SLC44A1: variants seen among roughly 807,000 people sequenced by gnomAD.
SLC44A1 encodes solute carrier family 44 member 1.
SLC44A1 carries 26 observed loss-of-function variants against 79.3 expected under a neutral mutation model. The ratio of observed to expected loss-of-function variants is 0.33; its 90% CI spans 0.24 to 0.46. The LOEUF is 0.46. Among genes scored for constraint, SLC44A1 ranks in the 20% least tolerant of loss-of-function variants. The probability of loss-of-function intolerance (pLI) is 1.00; values close to 1 mark genes in which losing one functional copy is unlikely to be tolerated. For synonymous variants in SLC44A1, 263 were observed against 286.2 expected (o/e 0.92, Z 0.82); for missense variants, 688 against 798.1 (o/e 0.86, Z 1.66).
At chr9:105,300,241 A>G (rs972900701) in intron 2 of SLC44A1, among the ~76,000 whole-genome samples, 2 of 152,178 alleles carry the variant, frequency 1.3e-5, no homozygotes, top group African/African-American at 4.8e-5. Context: ...CTTCCAGATC[A>G]ATGCTGTTTT....
chr9:105,341,137 C>T (rs1367475410), intron 4 of SLC44A1, among the ~76,000 whole-genome samples: 1 of 152,032 alleles, frequency 6.6e-6, no homozygotes, highest in African/African-American at 2.4e-5. Context: ...GAGTTCAAGA[C>T]CAGCCTGGCC....
intron 1 of SLC44A1, among the ~76,000 whole-genome samples, chr9:105,270,826 C>T (rs547485690): frequency 6.6e-6 from 1 of 152,272 alleles, no homozygotes; most frequent in South Asian, 2.1e-4. Context: ...AGTGCCTGGT[C>T]AATGTTTGTT....
intron 1 of SLC44A1, among the ~76,000 whole-genome samples, chr9:105,258,866 GTTTTTGTTTTT>G (rs1320936001): frequency 2.7e-5 from 4 of 149,948 alleles, no homozygotes; most frequent in Non-Finnish European, 5.9e-5. Flanking sequence ...TTTTGTTTTT[GTTTTTGTTTTT>G]TTTTTTTGGT....
At chr9:105,248,295 A>C (rs1173715936) in intron 1 of SLC44A1, among the ~76,000 whole-genome samples, 1 of 152,212 alleles carries the variant, frequency 6.6e-6, no homozygotes, top group African/African-American at 2.4e-5. Flanking sequence ...CTCATAAAAG[A>C]GTTTGTGGTC....
chr9:105,432,841 C>A (rs1366544526), intron 15 of SLC44A1, among the ~76,000 whole-genome samples: 1 of 152,060 alleles, frequency 6.6e-6, no homozygotes, highest in African/African-American at 2.4e-5. Context: ...GAGGCTGAGG[C>A]AGGAGAGTTG....
intron 15 of SLC44A1, among the ~76,000 whole-genome samples, chr9:105,421,749 G>A (rs749160733): frequency 9.9e-5 from 15 of 152,026 alleles, no homozygotes; most frequent in Admixed American, 3.3e-4. Context: ...CACGGCGCCC[G>A]GCTAATTTTT....
At chr9:105,347,666 A>T (rs71494521) in intron 4 of SLC44A1, among the ~76,000 whole-genome samples, 3,162 of 151,398 alleles carry the variant, frequency 0.021, 41 homozygotes, top group Middle Eastern at 0.061. Context: ...AGAAAAATTA[A>T]TTTTTTTTTG....
In SLC44A1 at chr9:105,394,672, T is replaced by C; in HGVS notation, c.*5616T>C. 3.0e-6 allele frequency: 3 copies of C among 985,362 alleles called. No homozygotes were observed. Among genetic ancestry groups the C allele is most frequent in the Non-Finnish European group, 3.6e-6 (3 of 829,862 alleles). 61.0% of individuals were successfully genotyped at this position (985,362 alleles called of 1,614,324 possible). Reference sequence around the variant, plus strand: ...CTGTCTTAAAATATATTTGTCAACATGTCCAGTTCCAACAACAGTTGAAGA... The same window carrying C: ...CTGTCTTAAAATATATTTGTCAACACGTCCAGTTCCAACAACAGTTGAAGA... On this transcript the variant is annotated 3_prime_UTR_variant, in exon 16 of 16. Coordinates refer to ENST00000374720, the MANE Select transcript of SLC44A1 (RefSeq NM_080546.5).
chr9:105,437,261 A>G (rs1829475367), intron 15 of SLC44A1, among the ~76,000 whole-genome samples: 2 of 152,214 alleles, frequency 1.3e-5, no homozygotes, highest in Admixed American at 1.3e-4. Context: ...CTCTATATCT[A>G]TCTAGATCTC....
At chr9:105,303,906 A>C (rs2131297019) in intron 2 of SLC44A1, among the ~76,000 whole-genome samples, 1 of 152,316 alleles carries the variant, frequency 6.6e-6, no homozygotes, top group African/African-American at 2.4e-5. Flanking sequence ...GAGCAGAAGC[A>C]TGGAGAAAGG....
At position 105,356,397 on chromosome 9, in the gene SLC44A1, A is replaced by G. The variant is rs1228769250; in HGVS notation, c.670+16A>G. On this transcript the variant is annotated intron_variant, in intron 6 of 15. Transcript: ENST00000374720. Reference sequence around the variant, plus strand: ...TTATCACTAGGTAATTGTTTTTCTCATTATTAGCTATTGCATAGTATTGCA... The same window carrying G: ...TTATCACTAGGTAATTGTTTTTCTCGTTATTAGCTATTGCATAGTATTGCA... 6 of 1,532,638 alleles carry G rather than the reference A, an allele frequency of 3.9e-6. No individual in the cohort carries two copies. The highest frequency in any genetic ancestry group is 5.4e-6 in the Non-Finnish European group (6 of 1,120,874). 94.9% of individuals were successfully genotyped at this position (1,532,638 alleles called of 1,614,324 possible). A position where few individuals can be genotyped will look rare whatever the true frequency, so the allele number is the denominator to read the frequency against.
chr9:105,353,966 C>G lies in SLC44A1; in HGVS notation c.501-2246C>G, dbSNP rs565611245. Among the ~76,000 whole-genome samples, 339 of 146,584 alleles carry G rather than the reference C, an allele frequency of 2.3e-3. 7 individuals carry two copies. The highest frequency in any genetic ancestry group is 6.3e-4 in the Non-Finnish European group (42 of 66,498). On this transcript the variant is annotated intron_variant, in intron 5 of 15. Transcript: ENST00000374720. ...GACAACCTCAGAAAAGAGGCTTCAT[C>G]ATGACAAAGTTGTCAGTTTAAAGGT...
At chr9:105,315,903 CT>C (rs1831311467) in intron 3 of SLC44A1, among the ~76,000 whole-genome samples, 1 of 152,100 alleles carries the variant, frequency 6.6e-6, no homozygotes, top group Non-Finnish European at 1.5e-5. Context: ...TATCCTTCAC[CT>C]TTTTTGAAAA....
At chr9:105,359,425 A>G (rs1184476416) in intron 7 of SLC44A1, among the ~76,000 whole-genome samples, 1 of 152,184 alleles carries the variant, frequency 6.6e-6, no homozygotes, top group African/African-American at 2.4e-5. Flanking sequence ...TTAGAATTGA[A>G]AAAGATTCCC....
At position 105,402,748 on chromosome 9, in the gene SLC44A1, A is replaced by G. The variant is rs143916903; in HGVS notation, c.1950+17246A>G. 4.0e-3 allele frequency among the ~76,000 whole-genome samples: 611 copies of G among 152,260 alleles called. 5 individuals carry two copies. The highest frequency in any genetic ancestry group is 0.014 in the African/African-American group (575 of 41,538). ...TCATGCTAACCATTGGTGTGCTTCTATGCTAACAAGAAATAACATGCAATA... is the reference window on the plus strand; with the variant it reads ...TCATGCTAACCATTGGTGTGCTTCTGTGCTAACAAGAAATAACATGCAATA... On this transcript the variant is annotated intron_variant, in intron 15 of 15. Transcript: ENST00000374724.
Position 105,391,753 on chromosome 9 carries a change from G to C in SLC44A1, c.*2697G>C. ...CTGCTTCCATCTTCTGCCCAAGTGA[G>C]AAGAATAGATGAAGAACAGAAATTT... On this transcript the variant is annotated 3_prime_UTR_variant, in exon 16 of 16. Transcript: ENST00000374720. 1 of 985,300 alleles carries C rather than the reference G, an allele frequency of 1.0e-6. No individual in the cohort carries two copies. Among genetic ancestry groups the C allele is most frequent in the Non-Finnish European group, 1.2e-6 (1 of 829,908 alleles). 61.0% of individuals were successfully genotyped at this position (985,300 alleles called of 1,614,324 possible).
At chr9:105,332,532 T>G (rs1826784257) in intron 3 of SLC44A1, among the ~76,000 whole-genome samples, 1 of 152,246 alleles carries the variant, frequency 6.6e-6, no homozygotes, top group Non-Finnish European at 1.5e-5. Flanking sequence ...AATAAGTTTT[T>G]AGATCTTTTC....
chr9:105,410,872 C>T (rs1375844942), intron 15 of SLC44A1, among the ~76,000 whole-genome samples: 1 of 152,116 alleles, frequency 6.6e-6, no homozygotes, highest in African/African-American at 2.4e-5. Context: ...ATGAGGTACT[C>T]ATACATGCAA....
intron 1 of SLC44A1, among the ~76,000 whole-genome samples, chr9:105,289,103 A>C (rs1830542953): frequency 6.6e-6 from 1 of 152,224 alleles, no homozygotes; most frequent in South Asian, 2.1e-4. Flanking sequence ...AAAAAATCTC[A>C]TGTAGGGGAA....
Sources: allele counts gnomAD v4.1 joint callset (sites outside exome capture counted in the v4.1 genomes callset), GRCh38; gene constraint gnomAD v4.1.1; transcripts MANE v1.5; gene names NCBI Gene and HGNC (gene_info 2026-07-23, HGNC 2026-07-21).